Variants in WDPCP observed in about 807,000 individuals in gnomAD.
WDPCP encodes the protein WD repeat-containing and planar cell polarity effector protein fritz homolog.
WDPCP carries 71 observed loss-of-function variants against 93.1 expected under a neutral mutation model. The ratio of observed to expected loss-of-function variants is 0.76; its 90% CI spans 0.63 to 0.93. The LOEUF is 0.93. Among genes scored for constraint, WDPCP ranks in the 40% least tolerant of loss-of-function variants. WDPCP has a pLI of 0.00. For missense variants in WDPCP, 844 were observed against 887.4 expected, an observed-to-expected ratio of 0.95 and a Z score of 0.62; for synonymous variants, 315 against 315.0, an observed-to-expected ratio of 1.00 and a Z score of 0.00.
intron 12 of WDPCP, among the ~76,000 whole-genome samples, chr2:63,377,408 C>A (rs942047522): frequency 1.3e-5 from 2 of 151,328 alleles, no homozygotes; most frequent in African/African-American, 4.8e-5. Context: ...CATTGTATAA[C>A]ATGTCATATA....
chr2:63,512,929 G>A (rs751170277), intron 1 of WDPCP, among the ~76,000 whole-genome samples: 1 of 151,688 alleles, frequency 6.6e-6, no homozygotes, highest in Non-Finnish European at 1.5e-5. Flanking sequence ...AGGAAATAAG[G>A]GATTCAACAC....
intron 10 of WDPCP, among the ~76,000 whole-genome samples, chr2:63,385,317 GCA>G (rs1457705679): frequency 6.6e-6 from 1 of 151,990 alleles, no homozygotes; most frequent in Non-Finnish European, 1.5e-5. Context: ...AAAATAAAAA[GCA>G]CACAGTTTAG....
At chr2:63,429,233 T>C (rs1212069183) in intron 9 of WDPCP, among the ~76,000 whole-genome samples, 1 of 152,076 alleles carries the variant, frequency 6.6e-6, no homozygotes, top group Non-Finnish European at 1.5e-5. Context: ...CCTCAAACTA[T>C]AAATATCCTA....
chr2:63,499,677 A>AT (rs1701427155), intron 1 of WDPCP, among the ~76,000 whole-genome samples: 1 of 152,246 alleles, frequency 6.6e-6, no homozygotes. Context: ...AATCGACAGC[A>AT]TATGGGCACT....
At chr2:63,508,322 A>T (rs967145313) in intron 1 of WDPCP, among the ~76,000 whole-genome samples, 2 of 152,192 alleles carry the variant, frequency 1.3e-5, no homozygotes, top group Non-Finnish European at 1.5e-5. Context: ...AGAATTTCAT[A>T]TGCAACCAAA....
the WDPCP span, among the ~76,000 whole-genome samples, chr2:63,840,652 G>A: frequency 6.6e-6 from 1 of 152,232 alleles, no homozygotes; most frequent in Non-Finnish European, 1.5e-5. Flanking sequence ...GGGAGCTCCG[G>A]CTCTATCCGC....
rs975800017 is a variant in WDPCP at position 63,182,865 on chromosome 2, T to A, written c.1916-8033A>T. Among the ~76,000 whole-genome samples the A allele has an allele frequency of 2.0e-5, 3 of 151,456 alleles. No homozygotes were observed. The East Asian group carries it at 5.8e-4, about 29-fold the overall frequency. ...TGGTCTGCTTAGGATTTCTATGTGT[T>A]CAATCTCGGGTGGTTTTATGTTTCC... On this transcript the variant is annotated intron_variant, in intron 14 of 17. Coordinates refer to ENST00000272321, the MANE Select transcript of WDPCP (RefSeq NM_015910.7).
chr2:63,381,790 AT>A, intron 11 of WDPCP, 115 bp downstream of exon 11: 1 of 1,093,598 alleles, frequency 9.1e-7, no homozygotes. Flanking sequence ...GAGCACTAAC[AT>A]TTTTATCATT....
At chr2:63,128,981 C>G (rs140753586) in intron 17 of WDPCP, among the ~76,000 whole-genome samples, 4 of 152,170 alleles carry the variant, frequency 2.6e-5, no homozygotes, top group African/African-American at 9.6e-5. Flanking sequence ...TACTTTGTGT[C>G]TCTAAGAATT....
intron 3 of WDPCP, among the ~76,000 whole-genome samples, chr2:63,599,009 T>G (rs1709370894): frequency 6.6e-6 from 1 of 152,232 alleles, no homozygotes; most frequent in Non-Finnish European, 1.5e-5. Flanking sequence ...TAAAAGATTT[T>G]TATAACTTAA....
intron 14 of WDPCP, among the ~76,000 whole-genome samples, chr2:63,233,817 A>G (rs2104582718): frequency 6.6e-6 from 1 of 152,170 alleles, no homozygotes; most frequent in Admixed American, 6.5e-5. Context: ...GACATTAATG[A>G]TGCCCTCACT....
intron 2 of WDPCP, chr2:63,751,654 C>G (rs1669884915): frequency 2.1e-6 from 1 of 485,356 alleles, no homozygotes; most frequent in Non-Finnish European, 4.0e-6. Context: ...CCTTCTCTGG[C>G]TCTCTTCTCC....
the WDPCP span, among the ~76,000 whole-genome samples, chr2:63,834,853 G>C: frequency 6.6e-6 from 1 of 152,172 alleles, no homozygotes; most frequent in Admixed American, 6.5e-5. Context: ...TGATTTCGTA[G>C]ACATCGGATA....
intron 2 of WDPCP, among the ~76,000 whole-genome samples, chr2:63,716,059 T>G (rs961647949): frequency 2.0e-5 from 3 of 152,168 alleles, no homozygotes; most frequent in African/African-American, 7.2e-5. Flanking sequence ...GACATCAAAA[T>G]AAGACACTAA....
At chr2:63,402,679 G>A (rs1052013845) in intron 10 of WDPCP, among the ~76,000 whole-genome samples, 3 of 152,104 alleles carry the variant, frequency 2.0e-5, no homozygotes, top group Non-Finnish European at 4.4e-5. Flanking sequence ...GTCTTGCTCT[G>A]TCGCCCAGGC....
chr2:63,339,926 C>CT (rs971232169), intron 12 of WDPCP, among the ~76,000 whole-genome samples: 11 of 151,626 alleles, frequency 7.3e-5, no homozygotes, highest in South Asian at 6.3e-4. Context: ...TTATCAAATG[C>CT]TTTTTTTTGC....
At chr2:63,622,762 G>A (rs990227260) in intron 3 of WDPCP, 3 of 1,612,840 alleles carry the variant, frequency 1.9e-6, no homozygotes, top group Non-Finnish European at 1.7e-6. Flanking sequence ...GGGTACCGCT[G>A]CCAGAAGGCG....
chr2:63,550,675 T>TTA (rs975046049), intron 1 of WDPCP, among the ~76,000 whole-genome samples: 13 of 149,004 alleles, frequency 8.7e-5, no homozygotes, highest in East Asian at 1.9e-4. Context: ...ATCTCAAGCA[T>TTA]TATATATATA....
At chr2:63,816,334 G>C (rs931136570) in intron 1 of WDPCP, among the ~76,000 whole-genome samples, 5 of 152,098 alleles carry the variant, frequency 3.3e-5, no homozygotes, top group Non-Finnish European at 7.4e-5. Context: ...TATTATAGTA[G>C]GTTAAATAGT....
Sources: allele counts gnomAD v4.1 joint callset (sites outside exome capture counted in the v4.1 genomes callset), GRCh38; gene constraint gnomAD v4.1.1; transcripts MANE v1.5; gene names NCBI Gene and HGNC (gene_info 2026-07-23, HGNC 2026-07-21).